DCLK1: variants seen among roughly 807,000 people sequenced by gnomAD.
DCLK1 encodes the protein doublecortin like kinase 1, also known as serine/threonine-protein kinase DCLK1.
In DCLK1, 16 loss-of-function variants were observed where a neutral mutation model predicts 86.2. The ratio of observed to expected loss-of-function variants is 0.19; its 90% CI spans 0.13 to 0.28. The LOEUF (loss-of-function observed/expected upper bound fraction) is 0.28. Ranked by LOEUF, DCLK1 falls within the 10% of genes least tolerant of loss-of-function variation. DCLK1 has a pLI of 1.00. For synonymous variants in DCLK1, 369 were observed against 370.5 expected (o/e 1.00, Z 0.05); for missense variants, 590 against 940.2 (o/e 0.63, Z 4.87).
chr13:35,833,252 T>G (rs1357387095), intron 8 of DCLK1, among the ~76,000 whole-genome samples: 1 of 152,168 alleles, frequency 6.6e-6, no homozygotes, highest in African/African-American at 2.4e-5. Context: ...GCACCATCCC[T>G]GCTCATGACT....
chr13:35,822,475 G>A (rs903417646), intron 11 of DCLK1, among the ~76,000 whole-genome samples: 4 of 152,078 alleles, frequency 2.6e-5, no homozygotes, highest in African/African-American at 9.7e-5. Flanking sequence ...GTTCAATACA[G>A]CCCTACCCTT....
chr13:35,774,399 C>T lies in DCLK1; in HGVS notation c.*136G>A. 9.2e-7 allele frequency: 1 copy of T among 1,089,430 alleles called. No homozygotes were observed. The highest frequency in any genetic ancestry group is 1.3e-6 in the Non-Finnish European group (1 of 773,792). The allele number at this position is 1,089,430 out of a possible 1,614,324, so 67.5% of individuals were successfully genotyped here. On this transcript the variant is annotated 3_prime_UTR_variant, in exon 17 of 17. Coordinates refer to ENST00000360631, the MANE Select transcript of DCLK1 (RefSeq NM_001330071.2). ...TAAAGGGAAACCGCTACAAAGATAC[C>T]TGAAAACACTTTCAGTTCTGCCATT...
rs2086661411 is a variant in DCLK1, at chr13:35,788,708, C to G, written c.2058+4658G>C. Among the ~76,000 whole-genome samples, 3 of 152,150 alleles carry G rather than the reference C, an allele frequency of 2.0e-5. No individual in the cohort carries two copies. In the South Asian group the frequency reaches 6.2e-4, roughly 32 times the overall value. On this transcript the variant is annotated intron_variant, in intron 16 of 16. Coordinates refer to ENST00000360631, the MANE Select transcript of DCLK1 (RefSeq NM_001330071.2). ...AGGCTTAAATTTGAGGGCTTCATAA[C>G]TATGAAATGAAAGAGGAAAAGAATC...
chr13:35,855,535 A>T (rs762030361), intron 5 of DCLK1: 2 of 1,607,094 alleles, frequency 1.2e-6, no homozygotes, highest in South Asian at 2.2e-5. Context: ...ACATGGACAC[A>T]GTCTTAGTGT....
At chr13:35,908,927 C>T (rs1874838026) in intron 4 of DCLK1, among the ~76,000 whole-genome samples, 6 of 152,222 alleles carry the variant, frequency 3.9e-5, no homozygotes, top group Admixed American at 3.9e-4. Flanking sequence ...TGAGCCACCA[C>T]ATCTGGCCGA....
At chr13:35,855,403 T>C in intron 5 of DCLK1, 1 of 1,128,108 alleles carries the variant, frequency 8.9e-7, no homozygotes, top group African/African-American at 1.5e-5. Flanking sequence ...AAAATGGCAT[T>C]ACAGCCCCAC....
intron 6 of DCLK1, among the ~76,000 whole-genome samples, chr13:35,852,742 T>A (rs896457665): frequency 1.3e-5 from 2 of 152,170 alleles, no homozygotes; most frequent in Non-Finnish European, 1.5e-5. Context: ...TCTAGCCCCA[T>A]TCTGCCAAGA....
chr13:35,896,336 C>T (rs1299360349), intron 4 of DCLK1, among the ~76,000 whole-genome samples: 2 of 151,812 alleles, frequency 1.3e-5, no homozygotes, highest in African/African-American at 2.4e-5. Flanking sequence ...GTCAGGAGTT[C>T]GAGACCAGCC....
At chr13:35,839,418 C>T (rs1431987181) in intron 6 of DCLK1, among the ~76,000 whole-genome samples, 1 of 152,074 alleles carries the variant, frequency 6.6e-6, no homozygotes, top group Non-Finnish European at 1.5e-5. Flanking sequence ...TTGAATGTTC[C>T]GTGACTTCTT....
intron 4 of DCLK1, among the ~76,000 whole-genome samples, chr13:35,936,937 T>A (rs1876783372): frequency 6.8e-6 from 1 of 146,590 alleles, no homozygotes; most frequent in Non-Finnish European, 1.5e-5. Flanking sequence ...GAAGAACCCA[T>A]TAAAACATCC....
At position 36,092,329 on chromosome 13, in the gene DCLK1, T is replaced by G. The variant is rs557973682; in HGVS notation, c.723+19540A>C. Among the ~76,000 whole-genome samples the G allele has an allele frequency of 2.0e-5, 3 of 152,294 alleles. No homozygotes were observed. In the South Asian group the frequency reaches 6.2e-4, roughly 32 times the overall value. On this transcript the variant is annotated intron_variant, in intron 3 of 16. Transcript: ENST00000360631. ...CTAGAGTTGGTGTGAGGATTAAATT[T>G]TATCATGCATATGAAGTGCTTAACA...
At position 35,850,453 on chromosome 13, in the gene DCLK1, GAGCCA is replaced by G. The variant is rs1481984248; in HGVS notation, c.1035+4041_1035+4045del. On this transcript the variant is annotated intron_variant, in intron 6 of 16. Transcript: ENST00000360631. ...TGGGTCCGTGTATGAAATTCATCTAGAGCCAGGCCCTGTACAAAAATCTCAGCATT... is the reference window on the plus strand; with the variant it reads ...TGGGTCCGTGTATGAAATTCATCTAGGGCCCTGTACAAAAATCTCAGCATT... 4.5e-6 allele frequency: 5 copies of G among 1,121,216 alleles called. No homozygotes were observed. In the African/African-American group the frequency reaches 8.1e-5, roughly 18 times the overall value. 69.5% of individuals were successfully genotyped at this position (1,121,216 alleles called of 1,614,324 possible).
intron 4 of DCLK1, among the ~76,000 whole-genome samples, chr13:35,941,565 G>A (rs1424219609): frequency 2.6e-5 from 4 of 151,974 alleles, no homozygotes; most frequent in Admixed American, 6.6e-5. Context: ...ATGCACACAC[G>A]TGCACAGGCA....
chr13:36,054,373 T>G (rs1883225473), intron 3 of DCLK1, among the ~76,000 whole-genome samples: 1 of 152,160 alleles, frequency 6.6e-6, no homozygotes, highest in Non-Finnish European at 1.5e-5. Flanking sequence ...GACCCAGGAG[T>G]TTTCTATCTT....
intron 15 of DCLK1, among the ~76,000 whole-genome samples, chr13:35,800,405 C>T (rs2086895479): frequency 6.6e-6 from 1 of 152,198 alleles, no homozygotes; most frequent in South Asian, 2.1e-4. Flanking sequence ...TAAGCTGATG[C>T]TCCTCCCATG....
intron 3 of DCLK1, among the ~76,000 whole-genome samples, chr13:35,965,798 C>T (rs1385603089): frequency 6.6e-6 from 1 of 152,078 alleles, no homozygotes; most frequent in Non-Finnish European, 1.5e-5. Context: ...CTCTCTCAGC[C>T]GTTTTGTTTT....
intron 3 of DCLK1, among the ~76,000 whole-genome samples, chr13:36,110,348 T>G (rs1451668334): frequency 1.3e-5 from 2 of 152,190 alleles, no homozygotes; most frequent in East Asian, 1.9e-4. Context: ...AGACTAAGTC[T>G]CATTCATTAG....
At chr13:35,859,590 C>T (rs1027403273) in intron 5 of DCLK1, among the ~76,000 whole-genome samples, 19 of 152,156 alleles carry the variant, frequency 1.2e-4, no homozygotes, top group Admixed American at 1.1e-3. Flanking sequence ...CCGGTCACAG[C>T]GCATTGTTGA....
At chr13:36,104,077 G>T (rs1481634994) in intron 3 of DCLK1, among the ~76,000 whole-genome samples, 1 of 152,182 alleles carries the variant, frequency 6.6e-6, no homozygotes, top group Non-Finnish European at 1.5e-5. Flanking sequence ...AGAAGCCCTA[G>T]CTAGAAACAA....
Sources: gnomAD v4.1 joint callset for allele counts (sites outside exome capture counted in the v4.1 genomes callset) on GRCh38, gnomAD v4.1.1 for gene constraint, MANE v1.5 for transcripts, NCBI Gene and HGNC (gene_info 2026-07-23, HGNC 2026-07-21) for gene names.